The following TNRC18 variants were observed in gnomAD, a reference collection of about 807,000 sequenced individuals.
The protein encoded by TNRC18 is trinucleotide repeat-containing gene 18 protein.
In TNRC18, 69 loss-of-function variants were observed where a neutral mutation model predicts 226.7. That is an observed-to-expected ratio of 0.30 (90% CI 0.25 to 0.37). TNRC18 has a LOEUF of 0.37. Ranked by LOEUF, TNRC18 falls within the 10% of genes least tolerant of loss-of-function variation. The probability of loss-of-function intolerance (pLI) is 1.00; values close to 1 mark genes in which losing one functional copy is unlikely to be tolerated. For synonymous variants in TNRC18, 2,449 were observed against 1,927.6 expected, an observed-to-expected ratio of 1.27 and a Z score of -7.09; for missense variants, 4,754 against 4,256.6, an observed-to-expected ratio of 1.12 and a Z score of -3.25.
intron 21 of TNRC18, among the ~76,000 whole-genome samples, chr7:5,323,044 C>T (rs1174135781): frequency 6.6e-6 from 1 of 152,226 alleles, no homozygotes; most frequent in Non-Finnish European, 1.5e-5. Context: ...CAGCTGACCC[C>T]TGGCCAGCCC....
chr7:5,332,602 C>T lies in TNRC18; in HGVS notation c.6147+20G>A. The T allele has an allele frequency of 6.6e-7, 1 of 1,513,080 alleles. No homozygotes were observed. The highest frequency in any genetic ancestry group is 2.7e-5 in the East Asian group (1 of 37,232). 93.7% of individuals were successfully genotyped at this position (1,513,080 alleles called of 1,614,324 possible). A position where few individuals can be genotyped will look rare whatever the true frequency, so the allele number is the denominator to read the frequency against. On this transcript the variant is annotated intron_variant, in intron 19 of 29. Coordinates refer to ENST00000430969, the MANE Select transcript of TNRC18 (RefSeq NM_001080495.3). The stretch of plus-strand genomic sequence containing the variant: ...CCCCAGGGACCCTTCTGCGGCACCC[C>T]CTCCCAGCGCGGCCCCTACCTTCCT...
At chr7:5,329,315 AAGAT>A (rs1789265296) in intron 19 of TNRC18, among the ~76,000 whole-genome samples, 3 of 151,800 alleles carry the variant, frequency 2.0e-5, no homozygotes, top group African/African-American at 7.3e-5. Flanking sequence ...AAAAAAAAAA[AAGAT>A]AGAAAATAAA....
chr7:5,380,956 G>A (rs749772916), intron 5 of TNRC18, among the ~76,000 whole-genome samples: 10 of 152,170 alleles, frequency 6.6e-5, no homozygotes, highest in Admixed American at 1.3e-4. Context: ...TTGAGCACAG[G>A]GCTCTCCCCG....
rs1794081063 is a variant in TNRC18, at chr7:5,370,875, G to A, written c.3719C>T (p.Thr1240Ile). ...CTGCACCCCCAGGTCCAGGGCGGCGGTGCAGGGTTCTGTCCGGCCCGGGGA... is the reference window on the plus strand; with the variant it reads ...CTGCACCCCCAGGTCCAGGGCGGCGATGCAGGGTTCTGTCCGGCCCGGGGA... The part of the protein sequence containing the change: ...VDSPGRTEPC[T>I]AALDLGVQLT... The change falls in exon 11 of 30, where the codon ACC becomes ATC. Residue 1240 changes from threonine to isoleucine, a missense_variant. Physicochemically the swap from Thr to Ile is moderately conservative, Grantham distance 89. Coordinates refer to ENST00000430969, the MANE Select transcript of TNRC18 (RefSeq NM_001080495.3). The A allele has an allele frequency of 1.2e-6, 2 of 1,607,850 alleles. No individual in the cohort carries two copies. Among genetic ancestry groups the A allele is most frequent in the Non-Finnish European group, 1.7e-6 (2 of 1,179,702 alleles).
At chr7:5,335,947 C>T (rs1178071382) in intron 18 of TNRC18, among the ~76,000 whole-genome samples, 1 of 151,998 alleles carries the variant, frequency 6.6e-6, no homozygotes, top group Non-Finnish European at 1.5e-5. Flanking sequence ...TGGCTCACAC[C>T]TATAATCCCA....
rs1161153540 is a variant in TNRC18, at chr7:5,313,253, C to T, written c.7638G>A (p.Lys2546=). Residue 2546 remains lysine, a synonymous_variant, in exon 27 of 30, where the codon AAG becomes AAA. Transcript: ENST00000430969. ...EDSGNPKSPD[K]AQAEQDGAEE... is the part of the protein sequence containing the mutation. ...CGGCCCCGTCCTGCTCAGCCTGGGC[C>T]TTGTCTGGGCTCTTGGGGTTCCCAG... 3.2e-6 allele frequency: 5 copies of T among 1,548,678 alleles called. No homozygotes were observed. The East Asian group carries it at 1.2e-4, about 38-fold the overall frequency.
At chr7:5,417,554 T>C (rs1193340574) in intron 2 of TNRC18, among the ~76,000 whole-genome samples, 1 of 152,186 alleles carries the variant, frequency 6.6e-6, no homozygotes, top group African/African-American at 2.4e-5. Context: ...GAACATGAGC[T>C]CCAATGAGGG....
chr7:5,328,806 G>A lies in TNRC18; in HGVS notation c.6148-3558C>T, dbSNP rs545794432. On this transcript the variant is annotated intron_variant, in intron 19 of 29. Transcript: ENST00000430969. Reference sequence around the variant, plus strand: ...ATTACAGGTATGAGCCATTGCGCCCGGCTGAGACCACCGTCTCTTATTAAA... The same window carrying A: ...ATTACAGGTATGAGCCATTGCGCCCAGCTGAGACCACCGTCTCTTATTAAA... Among the ~76,000 whole-genome samples the A allele has an allele frequency of 3.7e-3, 559 of 151,692 alleles. 6 individuals carry two copies. Among genetic ancestry groups the A allele is most frequent in the Middle Eastern group, 0.014 (4 of 294 alleles).
intron 19 of TNRC18, among the ~76,000 whole-genome samples, chr7:5,329,775 GTAGCTT>G (rs34624980): frequency 0.84 from 127,233 of 150,640 alleles, 53,984 homozygotes; most frequent in East Asian, 0.97. Flanking sequence ...CACTGGGGAC[GTAGCTT>G]TAGCTTCAGT....
At position 5,312,998 on chromosome 7, in the gene TNRC18, G is replaced by GGAT; in HGVS notation, c.7892_7893insATC (p.Ser2671dup). The GGAT allele has an allele frequency of 1.1e-6, 1 of 945,874 alleles. No homozygotes were observed. The highest frequency in any genetic ancestry group is 1.6e-6 in the Non-Finnish European group (1 of 624,506). The allele number at this position is 945,874 out of a possible 1,614,324, so 58.6% of individuals were successfully genotyped here. ...AGGAGGAAGAGGAGGAGGAGGAAGA[G>GGAT]GAGGATGAGGAGGAGGAGGAGGAGG... On this transcript the variant is annotated inframe_insertion, in exon 27 of 30. Coordinates refer to ENST00000430969, the MANE Select transcript of TNRC18 (RefSeq NM_001080495.3). This position sits in a 1 kb window ranked among gnomAD's most constrained non-coding sequence, Gnocchi z 6.3.
At chr7:5,403,707 C>A (rs893730386) in intron 2 of TNRC18, among the ~76,000 whole-genome samples, 5 of 151,588 alleles carry the variant, frequency 3.3e-5, no homozygotes, top group Non-Finnish European at 7.4e-5. Context: ...GCACGAGGAT[C>A]ATTTGAGCCC....
Position 5,325,157 on chromosome 7 carries a change from C to G in TNRC18, c.6239G>C (p.Ser2080Thr), listed in dbSNP as rs1236611085. 3 of 1,552,048 alleles carry G rather than the reference C, an allele frequency of 1.9e-6. No individual in the cohort carries two copies. Among genetic ancestry groups the G allele is most frequent in the African/African-American group, 2.7e-5 (2 of 73,174 alleles). ...LPSEARAPHA[S>T]SLTAAKRSKA... ...GCTCCTTTTGGCAGCGGTCAGGGAG[C>G]TGGCGTGAGGAGCCCTGGCCTCAGA... Residue 2080 changes from serine (S) to threonine (T), a missense_variant, in exon 20 of 30, where the codon AGC becomes ACC. Coordinates refer to ENST00000430969, the MANE Select transcript of TNRC18 (RefSeq NM_001080495.3).
intron 5 of TNRC18, among the ~76,000 whole-genome samples, chr7:5,381,837 G>A (rs1779418012): frequency 2.0e-5 from 3 of 151,966 alleles, no homozygotes; most frequent in South Asian, 2.1e-4. Flanking sequence ...ACGGTGGCAG[G>A]TGCCTGTAAT....
At chr7:5,360,827 T>A (rs981254578) in intron 14 of TNRC18, among the ~76,000 whole-genome samples, 3 of 152,162 alleles carry the variant, frequency 2.0e-5, no homozygotes, top group African/African-American at 7.2e-5. Context: ...GGCTGTTTTA[T>A]CCTGAGAAGA....
intron 2 of TNRC18, among the ~76,000 whole-genome samples, chr7:5,405,837 G>A (rs1781428613): frequency 6.6e-6 from 1 of 152,202 alleles, no homozygotes; most frequent in African/African-American, 2.4e-5. Flanking sequence ...GCCAAGGCAG[G>A]AGGATCACTT....
In TNRC18 at chr7:5,324,194, G is replaced by A. The variant is rs1788663174; in HGVS notation, c.6442+20C>T. The A allele has an allele frequency of 6.3e-7, 1 of 1,584,804 alleles. No homozygotes were observed. The highest frequency in any genetic ancestry group is 8.6e-7 in the Non-Finnish European group (1 of 1,168,878). Reference sequence around the variant, plus strand: ...GCTCCAGCAGCCCCGCCCGGCACATGTGGCATCACGGCCACTCACCCGGGG... The same window carrying A: ...GCTCCAGCAGCCCCGCCCGGCACATATGGCATCACGGCCACTCACCCGGGG... On this transcript the variant is annotated intron_variant, in intron 21 of 29. Coordinates refer to ENST00000430969, the MANE Select transcript of TNRC18 (RefSeq NM_001080495.3). The surrounding 1 kb of genome is among the most constrained non-coding windows in gnomAD (Gnocchi z 4.8).
At chr7:5,323,332 TC>T (rs1247934689) in intron 21 of TNRC18, among the ~76,000 whole-genome samples, 1 of 150,076 alleles carries the variant, frequency 6.7e-6, no homozygotes. Flanking sequence ...GGACAGGGCT[TC>T]CCCCCACCCC....
chr7:5,362,920 C>G, intron 11 of TNRC18, 95 bp from the exon 12 acceptor site: 2 of 1,268,000 alleles, frequency 1.6e-6, no homozygotes, highest in Non-Finnish European at 1.1e-6. Context: ...AGGCCCCAGG[C>G]CACACGTGCC....
At chr7:5,361,023 G>A (rs373238465) in intron 14 of TNRC18, among the ~76,000 whole-genome samples, 4 of 152,186 alleles carry the variant, frequency 2.6e-5, no homozygotes, top group African/African-American at 9.7e-5. Context: ...AGGGAAGGAC[G>A]AAGCATCTTT....
Sources: allele counts gnomAD v4.1 joint callset (sites outside exome capture counted in the v4.1 genomes callset), GRCh38; gene constraint gnomAD v4.1.1; non-coding constraint Gnocchi (gnomAD v3.1); transcripts MANE v1.5; gene names NCBI Gene and HGNC (gene_info 2026-07-23, HGNC 2026-07-21).